The following PTGFRN variants were observed in gnomAD, a reference collection of about 807,000 sequenced individuals.
The protein encoded by PTGFRN is prostaglandin F2 receptor inhibitor, also known as prostaglandin F2 receptor negative regulator.
In PTGFRN, 35 loss-of-function variants were observed where a neutral mutation model predicts 83.2. That is an observed-to-expected ratio of 0.42 (90% CI 0.32 to 0.56). The LOEUF (loss-of-function observed/expected upper bound fraction) is 0.56. Among genes scored for constraint, PTGFRN ranks in the 20% least tolerant of loss-of-function variants. PTGFRN has a pLI of 0.11. For synonymous variants in PTGFRN, 519 were observed against 498.6 expected, an observed-to-expected ratio of 1.04 and a Z score of -0.55; for missense variants, 1,051 against 1,179.5, an observed-to-expected ratio of 0.89 and a Z score of 1.60.
At chr1:116,943,791 C>T (rs2101064596) in intron 2 of PTGFRN, among the ~76,000 whole-genome samples, 1 of 152,196 alleles carries the variant, frequency 6.6e-6, no homozygotes, top group South Asian at 2.1e-4. Flanking sequence ...TCTAGAATAG[C>T]CCCTTCTCAA....
At chr1:116,942,491 A>C (rs549219973) in intron 2 of PTGFRN, among the ~76,000 whole-genome samples, 15 of 152,282 alleles carry the variant, frequency 9.9e-5, no homozygotes, top group African/African-American at 3.4e-4. Flanking sequence ...TGTAACCTTA[A>C]AGGTTGTGAG....
At chr1:116,962,630 G>T (rs2101077193) in intron 5 of PTGFRN, among the ~76,000 whole-genome samples, 1 of 152,116 alleles carries the variant, frequency 6.6e-6, no homozygotes, top group Non-Finnish European at 1.5e-5. Context: ...TATCCTATTT[G>T]GTCCTACACT....
intron 5 of PTGFRN, among the ~76,000 whole-genome samples, chr1:116,966,009 G>A (rs1367634463): frequency 1.3e-5 from 2 of 152,156 alleles, no homozygotes; most frequent in Non-Finnish European, 2.9e-5. Context: ...TGGAACAAGT[G>A]TTCCAAAAAA....
At chr1:116,911,535 C>G (rs959770090) in intron 1 of PTGFRN, among the ~76,000 whole-genome samples, 1 of 152,248 alleles carries the variant, frequency 6.6e-6, no homozygotes, top group Non-Finnish European at 1.5e-5. Context: ...AACTGACTCC[C>G]TCAGAGAGCT....
Position 116,941,728 on chromosome 1 carries a change from G to A in PTGFRN, c.63G>A (p.Gly21=), listed in dbSNP as rs1650065697. The part of the protein sequence containing the change: ...LALLSLALCR[G]RVVRVPTATL... ...TTATCATTGCAGCTCTTTGCCGAGGGCGTGTGGTGAGAGTCCCCACAGCGA... is the reference window on the plus strand; with the variant it reads ...TTATCATTGCAGCTCTTTGCCGAGGACGTGTGGTGAGAGTCCCCACAGCGA... The change falls in exon 2 of 9, where the codon GGG becomes GGA. Residue 21 remains glycine, a synonymous_variant. Coordinates refer to ENST00000393203, the MANE Select transcript of PTGFRN (RefSeq NM_020440.4). The surrounding 1 kb of genome is among the most constrained non-coding windows in gnomAD (Gnocchi z 5.0). The A allele has an allele frequency of 6.2e-7, 1 of 1,612,022 alleles. No homozygotes were observed. The highest frequency in any genetic ancestry group is 1.1e-5 in the South Asian group (1 of 90,974).
In PTGFRN at chr1:116,949,566, T is replaced by C. The variant is rs1326710387; in HGVS notation, c.1207T>C (p.Trp403Arg). 6.8e-6 allele frequency: 11 copies of C among 1,611,778 alleles called. No homozygotes were observed. The highest frequency in any genetic ancestry group is 9.3e-6 in the Non-Finnish European group (11 of 1,179,190). ...TTCCCCAGCTGGTGTGGGTGTGACC[T>C]GGCTAGGTGAGTGGTTTGGAGAATG... is the stretch of plus-strand genomic sequence containing the variant. ...VSSPAGVGVT[W>R]LEPDYQVYLN... The change falls in exon 4 of 9, where the codon TGG becomes CGG. Residue 403 changes from tryptophan to arginine, a missense_variant. Transcript: ENST00000393203.
chr1:116,945,034 C>CT lies in PTGFRN; in HGVS notation c.775dup (p.Trp259LeufsTer33). Reference sequence around the variant, plus strand: ...GCGAGTGGATCGCCGAGCAGGGCAACTGGCAGGAAATCCAAGAAAAGGCCG... The same window carrying CT: ...GCGAGTGGATCGCCGAGCAGGGCAACTTGGCAGGAAATCCAAGAAAAGGCCG... On this transcript the variant is annotated frameshift_variant, in exon 3 of 9. Coordinates refer to ENST00000393203, the MANE Select transcript of PTGFRN (RefSeq NM_020440.4). LOFTEE classifies it high-confidence loss of function. 1.9e-6 allele frequency: 3 copies of CT among 1,613,852 alleles called. No homozygotes were observed. Among genetic ancestry groups the CT allele is most frequent in the Non-Finnish European group, 2.5e-6 (3 of 1,180,008 alleles).
intron 7 of PTGFRN, among the ~76,000 whole-genome samples, chr1:116,976,563 A>G (rs1447244772): frequency 3.9e-5 from 6 of 152,232 alleles, no homozygotes; most frequent in Admixed American, 3.3e-4. Context: ...AGTCGGGGCC[A>G]ATATTTAACA....
intron 4 of PTGFRN, among the ~76,000 whole-genome samples, chr1:116,951,105 A>G (rs1317480654): frequency 6.8e-6 from 1 of 147,394 alleles, no homozygotes; most frequent in African/African-American, 2.5e-5. Context: ...CTGAATCCCA[A>G]CTCGAGGACT....
At chr1:116,957,126 TTTCTC>T (rs1557742700) in intron 4 of PTGFRN, among the ~76,000 whole-genome samples, 20 of 149,756 alleles carry the variant, frequency 1.3e-4, no homozygotes, top group East Asian at 3.9e-4. Context: ...TCTCTCTCTC[TTTCTC>T]TCTCTCTCTC....
Position 116,944,960 on chromosome 1 carries a change from G to A in PTGFRN, c.700G>A (p.Val234Met). ...GGGCAGCGACGCCTACCGCCTCTCA[G>A]TGTCCCGGGCTCTGTCTGCCGACCA... ...TVGSDAYRLS[V>M]SRALSADQGS... The change falls in exon 3 of 9, where the codon GTG becomes ATG. Residue 234 changes from valine to methionine, a missense_variant. Val to Met is a conservative substitution (Grantham distance 21, BLOSUM62 1). Coordinates refer to ENST00000393203, the MANE Select transcript of PTGFRN (RefSeq NM_020440.4). 1 of 1,613,678 alleles carries A rather than the reference G, an allele frequency of 6.2e-7. No homozygotes were observed. Among genetic ancestry groups the A allele is most frequent in the Non-Finnish European group, 8.5e-7 (1 of 1,180,036 alleles).
In PTGFRN at chr1:116,952,487, G is replaced by A. The variant is rs1650376536; in HGVS notation, c.1213+2915G>A. The stretch of plus-strand genomic sequence containing the variant: ...GGGAAAGAAAAAAAAGATTTAAGTT[G>A]GCTTGCAAAATGAGGTACAGTTTAA... On this transcript the variant is annotated intron_variant, in intron 4 of 8. Coordinates refer to ENST00000393203, the MANE Select transcript of PTGFRN (RefSeq NM_020440.4). The surrounding 1 kb of genome is among the most constrained non-coding windows in gnomAD (Gnocchi z 4.0). Among the ~76,000 whole-genome samples, 1 of 152,116 alleles carries A rather than the reference G, an allele frequency of 6.6e-6. No homozygotes were observed. The highest frequency in any genetic ancestry group is 1.5e-5 in the Non-Finnish European group (1 of 68,010).
In PTGFRN at chr1:116,944,967, G is replaced by A. The variant is rs761027287; in HGVS notation, c.707G>A (p.Arg236Gln). The change falls in exon 3 of 9, where the codon CGG (arginine) becomes CAG (glutamine). Residue 236 changes from arginine (R) to glutamine (Q), a missense_variant. Arg to Gln is a conservative substitution (Grantham distance 43). Around this residue, in one of 3 missense-constraint regions of PTGFRN, gnomAD observed 205 missense variants for 174.5 expected, o/e 1.17. Coordinates refer to ENST00000393203, the MANE Select transcript of PTGFRN (RefSeq NM_020440.4). The part of the protein sequence containing the change: ...GSDAYRLSVS[R>Q]ALSADQGSYR... Reference sequence around the variant, plus strand: ...GACGCCTACCGCCTCTCAGTGTCCCGGGCTCTGTCTGCCGACCAGGGCTCC... The same window carrying A: ...GACGCCTACCGCCTCTCAGTGTCCCAGGCTCTGTCTGCCGACCAGGGCTCC... 6.2e-7 allele frequency: 1 copy of A among 1,613,554 alleles called. No individual in the cohort carries two copies. Among genetic ancestry groups the A allele is most frequent in the Non-Finnish European group, 8.5e-7 (1 of 1,180,026 alleles).
At chr1:116,938,614 G>A (rs1419776511) in intron 1 of PTGFRN, among the ~76,000 whole-genome samples, 8 of 152,150 alleles carry the variant, frequency 5.3e-5, no homozygotes. Flanking sequence ...AGATTTCGGT[G>A]GGGACAGAGC....
chr1:116,970,363 C>T (rs973510494), intron 6 of PTGFRN, among the ~76,000 whole-genome samples: 3 of 151,946 alleles, frequency 2.0e-5, no homozygotes, highest in Non-Finnish European at 4.4e-5. Flanking sequence ...TGAATGTGGT[C>T]AGATGCTTTT....
chr1:116,919,330 T>G (rs759882901), intron 1 of PTGFRN, among the ~76,000 whole-genome samples: 4 of 152,192 alleles, frequency 2.6e-5, no homozygotes, highest in Non-Finnish European at 4.4e-5. Flanking sequence ...ATGAGGGTTC[T>G]TTCCTTCCCA....
rs182764093 is a variant in PTGFRN at position 116,989,657 on chromosome 1, C to G, written c.*2690C>G. 1 of 152,518 alleles carries G rather than the reference C, an allele frequency of 6.6e-6. No individual in the cohort carries two copies. The highest frequency in any genetic ancestry group is 1.5e-5 in the Non-Finnish European group (1 of 68,016). 9.4% of individuals were successfully genotyped at this position (152,518 alleles called of 1,614,324 possible). Reference sequence around the variant, plus strand: ...CTAAGCTATGTTCAGATAGAAGCCTCGAAATTCCTGTAAATTGTTTACTTT... The same window carrying G: ...CTAAGCTATGTTCAGATAGAAGCCTGGAAATTCCTGTAAATTGTTTACTTT... On this transcript the variant is annotated 3_prime_UTR_variant, in exon 9 of 9. Coordinates refer to ENST00000393203, the MANE Select transcript of PTGFRN (RefSeq NM_020440.4).
At chr1:116,977,905 A>G (rs1012881846) in intron 7 of PTGFRN, among the ~76,000 whole-genome samples, 6 of 152,144 alleles carry the variant, frequency 3.9e-5, no homozygotes, top group African/African-American at 1.4e-4. Context: ...GACACAAAAA[A>G]CCCTTCAAAA....
At chr1:116,986,376 T>C (rs1651484906) in intron 8 of PTGFRN, among the ~76,000 whole-genome samples, 1 of 152,232 alleles carries the variant, frequency 6.6e-6, no homozygotes, top group Non-Finnish European at 1.5e-5. Flanking sequence ...GATAATTTAG[T>C]ATAGTGTTAC....
Sources: allele counts gnomAD v4.1 joint callset (sites outside exome capture counted in the v4.1 genomes callset), GRCh38; gene constraint gnomAD v4.1.1; regional missense constraint gnomAD v4.1.1; non-coding constraint Gnocchi (gnomAD v3.1); transcripts MANE v1.5; gene names NCBI Gene and HGNC (gene_info 2026-07-23, HGNC 2026-07-21).